The following IGSF11 variants were observed in gnomAD, a reference collection of about 807,000 sequenced individuals.
The protein encoded by IGSF11 is CXADR like 1.
A neutral mutation model predicts 41.0 loss-of-function variants in IGSF11; 22 were observed. The ratio of observed to expected loss-of-function variants is 0.54; its 90% CI spans 0.38 to 0.77. IGSF11 has a LOEUF of 0.77. Among genes scored for constraint, IGSF11 ranks in the 30% least tolerant of loss-of-function variants. The pLI is 0.00. For synonymous variants in IGSF11, 219 were observed against 201.3 expected, an observed-to-expected ratio of 1.09 and a Z score of -0.74; for missense variants, 444 against 530.8, an observed-to-expected ratio of 0.84 and a Z score of 1.61.
intron 1 of IGSF11, among the ~76,000 whole-genome samples, chr3:119,134,318 A>T (rs561633076): frequency 6.6e-6 from 1 of 152,310 alleles, no homozygotes; most frequent in Non-Finnish European, 1.5e-5. Flanking sequence ...AGAAAACCCC[A>T]TCGTCTCAGC....
At chr3:119,075,410 T>C (rs2076477350) in intron 1 of IGSF11, among the ~76,000 whole-genome samples, 1 of 152,160 alleles carries the variant, frequency 6.6e-6, no homozygotes, top group Non-Finnish European at 1.5e-5. Context: ...AAAGAAGATC[T>C]GGTACCAATC....
rs141633373 is a variant in IGSF11 at position 118,902,868 on chromosome 3, G to A, written c.948C>T (p.Ala316=). The A allele has an allele frequency of 9.8e-5, 158 of 1,614,054 alleles. 1 individual carries two copies. The highest frequency in any genetic ancestry group is 1.3e-4 in the Non-Finnish European group (149 of 1,179,996). The change falls in exon 7 of 7, where the codon GCC becomes GCT. Residue 316 remains alanine, a synonymous_variant. Transcript: ENST00000393775. ...TGTTGCTCCAGTATCGACTGTTGTA[G>A]GCATTGGAAGAGGTTAGTGTGTTGT... The part of the protein sequence containing the change: ...SDNNTLTSSN[A]YNSRYWSNNP...
At position 119,020,454 on chromosome 3, in the gene IGSF11, T is replaced by C. The variant is rs562498530; in HGVS notation, c.52+14077A>G. Among the ~76,000 whole-genome samples the C allele has an allele frequency of 2.0e-4, 30 of 152,340 alleles. No homozygotes were observed. In the South Asian group the frequency reaches 3.7e-3, roughly 19 times the overall value. On this transcript the variant is annotated intron_variant, in intron 1 of 6. Coordinates refer to ENST00000393775, the MANE Select transcript of IGSF11 (RefSeq NM_001015887.3). ...TACTACCAGGGAAAATCAAATGGCT[T>C]GGTGAGAACAAGAATGAGAATTGAG... is the stretch of plus-strand genomic sequence containing the variant.
chr3:118,977,664 G>C (rs780124118), intron 1 of IGSF11, among the ~76,000 whole-genome samples: 1 of 152,130 alleles, frequency 6.6e-6, no homozygotes, highest in Admixed American at 6.5e-5. Flanking sequence ...ACGGGTGAGA[G>C]ACCCCAGTGG....
chr3:119,123,965 C>A (rs1465149369), intron 1 of IGSF11, among the ~76,000 whole-genome samples: 1 of 152,156 alleles, frequency 6.6e-6, no homozygotes, highest in Non-Finnish European at 1.5e-5. Context: ...AGAACATCTA[C>A]AAGCATCAAC....
At chr3:118,983,936 TCTG>T (rs750184939) in intron 1 of IGSF11, among the ~76,000 whole-genome samples, 5 of 152,142 alleles carry the variant, frequency 3.3e-5, no homozygotes, top group African/African-American at 4.8e-5. Context: ...CTCAGGTCTT[TCTG>T]CTTTTTTAGC....
intron 1 of IGSF11, among the ~76,000 whole-genome samples, chr3:119,101,292 C>T (rs1035093511): frequency 6.6e-6 from 1 of 152,086 alleles, no homozygotes; most frequent in Non-Finnish European, 1.5e-5. Context: ...GGCAGATTAC[C>T]TGAGGTCGGG....
At chr3:118,969,047 C>T (rs1156356144) in intron 1 of IGSF11, among the ~76,000 whole-genome samples, 2 of 152,024 alleles carry the variant, frequency 1.3e-5, no homozygotes, top group East Asian at 1.9e-4. Flanking sequence ...CCACCATATG[C>T]TAGCATTCAA....
At chr3:119,038,443 T>C (rs1168994568), upstream of IGSF11, among the ~76,000 whole-genome samples, 1 of 152,210 alleles carries the variant, frequency 6.6e-6, no homozygotes, top group African/African-American at 2.4e-5. Context: ...CCTATCACTG[T>C]TGTGAATATT....
At chr3:118,970,828 A>C (rs909318760) in intron 1 of IGSF11, among the ~76,000 whole-genome samples, 1 of 151,872 alleles carries the variant, frequency 6.6e-6, no homozygotes, top group Non-Finnish European at 1.5e-5. Flanking sequence ...TTCCATTCCC[A>C]CTTCTCTATT....
intron 1 of IGSF11, among the ~76,000 whole-genome samples, chr3:119,063,912 C>T (rs1183318987): frequency 2.0e-5 from 3 of 152,196 alleles, no homozygotes; most frequent in Non-Finnish European, 4.4e-5. Context: ...GGCACTGCTG[C>T]ATTTTAGCAA....
chr3:119,019,068 A>G (rs1254492662), intron 1 of IGSF11, among the ~76,000 whole-genome samples: 2 of 152,192 alleles, frequency 1.3e-5, no homozygotes, highest in Non-Finnish European at 2.9e-5. Flanking sequence ...TTCTTAAAAG[A>G]AAGTATCATT....
rs1353307967 is a variant in IGSF11, at chr3:118,902,679, C to A, written c.1137G>T (p.Gly379=). ...TCCTGGACATCACCTGTGGTGATGA[C>A]CCTCTGTTGGCTGTCACTACCAGAG... ...HKTLVVTANR[G]SSPQVMSRSN... is the part of the protein sequence containing the mutation. The change falls in exon 7 of 7, where the codon GGG becomes GGT. Residue 379 remains glycine (G), a synonymous_variant. Transcript: ENST00000393775. 4 of 1,613,968 alleles carry A rather than the reference C, an allele frequency of 2.5e-6. No homozygotes were observed. Among genetic ancestry groups the A allele is most frequent in the African/African-American group, 2.7e-5 (2 of 74,894 alleles).
chr3:119,094,223 T>TAAAAAAAAAAAAAAAAAAAAAAAAAAAA (rs1175348778), intron 1 of IGSF11, among the ~76,000 whole-genome samples: 4 of 35,066 alleles, frequency 1.1e-4, no homozygotes, highest in Non-Finnish European at 1.7e-4. Context: ...CATAGCGAAG[T>TAAAAAAAAAAAAAAAAAAAAAAAAAAAA]AAAAAAAAAA....
chr3:119,009,030 T>C (rs1379832525), intron 1 of IGSF11, among the ~76,000 whole-genome samples: 1 of 152,096 alleles, frequency 6.6e-6, no homozygotes, highest in East Asian at 1.9e-4. Flanking sequence ...AGAAGCCTAT[T>C]ACTTGTAATA....
intron 1 of IGSF11, among the ~76,000 whole-genome samples, chr3:118,967,080 T>C (rs377587877): frequency 2.0e-5 from 3 of 152,310 alleles, no homozygotes; most frequent in African/African-American, 7.2e-5. Flanking sequence ...AAATATATTG[T>C]TATATTCTCA....
At chr3:119,043,435 G>A (rs142639903) in intron 1 of IGSF11, among the ~76,000 whole-genome samples, 2 of 152,222 alleles carry the variant, frequency 1.3e-5, no homozygotes, top group East Asian at 3.9e-4. Flanking sequence ...CTATGCTTAG[G>A]GATTCTTAGT....
At chr3:118,978,377 A>G (rs529853471) in intron 1 of IGSF11, among the ~76,000 whole-genome samples, 54 of 152,220 alleles carry the variant, frequency 3.5e-4, no homozygotes, top group African/African-American at 1.1e-3. Context: ...TGCCACTGCC[A>G]TTGCTCATGC....
At chr3:119,050,314 C>A (rs573875781) in intron 1 of IGSF11, among the ~76,000 whole-genome samples, 2 of 152,104 alleles carry the variant, frequency 1.3e-5, no homozygotes. Flanking sequence ...AAACAAACAA[C>A]CCCATCAAAA....
Sources: allele counts gnomAD v4.1 joint callset (sites outside exome capture counted in the v4.1 genomes callset), GRCh38; gene constraint gnomAD v4.1.1; transcripts MANE v1.5; gene names NCBI Gene and HGNC (gene_info 2026-07-23, HGNC 2026-07-21).